RTTN: variants seen among roughly 807,000 people sequenced by gnomAD.
RTTN encodes the protein rotatin.
A neutral mutation model predicts 269.2 loss-of-function variants in RTTN; 182 were observed. That is an observed-to-expected ratio of 0.68 (90% CI 0.60 to 0.76). The LOEUF is 0.76. Ranked by LOEUF, RTTN falls within the 30% of genes least tolerant of loss-of-function variation. RTTN has a pLI of 0.00. For missense variants in RTTN, 2,545 were observed against 2,608.6 expected, an observed-to-expected ratio of 0.98 and a Z score of 0.53; for synonymous variants, 1,006 against 963.5, an observed-to-expected ratio of 1.04 and a Z score of -0.82.
In RTTN at chr18:70,196,515, A is replaced by G; in HGVS notation, c.827T>C (p.Phe276Ser). ...RLNFHRDPGF[F>S]SNKHDTVSQN... ...AAAATAAATACCGTGTTTATTGGAGAAAAAACCTGGATCTCGGTGAAAGTT... is the reference window on the plus strand; with the variant it reads ...AAAATAAATACCGTGTTTATTGGAGGAAAAACCTGGATCTCGGTGAAAGTT... The change falls in exon 7 of 49, where the codon TTC (phenylalanine) becomes TCC (serine). Residue 276 changes from phenylalanine to serine, a missense_variant. Physicochemically the swap from Phe to Ser is radical, Grantham distance 155. Transcript: ENST00000640769. 6.2e-7 allele frequency: 1 copy of G among 1,610,312 alleles called. No homozygotes were observed. The highest frequency in any genetic ancestry group is 8.5e-7 in the Non-Finnish European group (1 of 1,179,088).
At chr18:70,045,141 T>C (rs1354957489) in intron 40 of RTTN, among the ~76,000 whole-genome samples, 1 of 152,230 alleles carries the variant, frequency 6.6e-6, no homozygotes, top group Non-Finnish European at 1.5e-5. Flanking sequence ...AAGATGTAAG[T>C]ATGAATACTT....
At chr18:70,147,290 C>T (rs1326517155) in intron 17 of RTTN, among the ~76,000 whole-genome samples, 1 of 152,026 alleles carries the variant, frequency 6.6e-6, no homozygotes, top group Non-Finnish European at 1.5e-5. Flanking sequence ...TTTTCTAAAC[C>T]TTTTCTATGT....
intron 32 of RTTN, among the ~76,000 whole-genome samples, chr18:70,077,410 T>C (rs2058455833): frequency 6.6e-6 from 1 of 151,898 alleles, no homozygotes; most frequent in Non-Finnish European, 1.5e-5. Context: ...AGATCTTAAA[T>C]CTGCTGATTC....
chr18:70,193,426 G>A lies in RTTN; in HGVS notation c.869C>T (p.Ser290Phe). Residue 290 changes from serine to phenylalanine, a missense_variant, in exon 8 of 49, where the codon TCT (serine) becomes TTT (phenylalanine). Transcript: ENST00000640769. ...HDTVSQNSSL[S>F]YCHEARGTHH... ...AGTACCTCTTGCTTCATGACAATAA[G>A]ACAAAGAAGAATTTTGGGAAACTGT... 2 of 1,538,892 alleles carry A rather than the reference G, an allele frequency of 1.3e-6. 1 individual carries two copies. The highest frequency in any genetic ancestry group is 2.4e-5 in the South Asian group (2 of 81,816).
intron 28 of RTTN, among the ~76,000 whole-genome samples, chr18:70,103,064 G>C (rs1162842333): frequency 6.8e-6 from 1 of 147,980 alleles, no homozygotes; most frequent in Non-Finnish European, 1.5e-5. Flanking sequence ...TGGGAAGTGA[G>C]GAGCGCCTCT....
intron 31 of RTTN, among the ~76,000 whole-genome samples, chr18:70,087,594 G>A (rs1006229887): frequency 2.0e-5 from 3 of 151,842 alleles, no homozygotes; most frequent in African/African-American, 4.8e-5. Flanking sequence ...TTAAAATAGG[G>A]TTTATTTTTC....
intron 33 of RTTN, 118 bp from the exon 34 acceptor site, chr18:70,074,112 G>A (rs2058366784): frequency 8.5e-6 from 5 of 591,118 alleles, no homozygotes; most frequent in Non-Finnish European, 8.8e-6. Context: ...AAACTTATAT[G>A]GATCTGGCTT....
At chr18:70,157,676 T>C (rs2060718130) in intron 14 of RTTN, among the ~76,000 whole-genome samples, 3 of 152,078 alleles carry the variant, frequency 2.0e-5, no homozygotes, top group South Asian at 4.1e-4. Context: ...CGACAAGATA[T>C]AGAAGAAGGC....
chr18:70,170,597 G>A (rs918722011), intron 11 of RTTN, among the ~76,000 whole-genome samples: 5 of 152,222 alleles, frequency 3.3e-5, no homozygotes, highest in Non-Finnish European at 7.3e-5. Flanking sequence ...GAAAGCCAGT[G>A]GAGCTGGTTC....
In RTTN at chr18:70,006,377, T is replaced by G. The variant is rs1226566277; in HGVS notation, c.6525+4A>C. 4 of 1,609,044 alleles carry G rather than the reference T, an allele frequency of 2.5e-6. No homozygotes were observed. Among genetic ancestry groups the G allele is most frequent in the Non-Finnish European group, 3.4e-6 (4 of 1,175,420 alleles). ...CAGGTGTAACAATGATTTTTAAAACTGACCTTCTGATAATTGTAAATCAGA... is the reference window on the plus strand; with the variant it reads ...CAGGTGTAACAATGATTTTTAAAACGGACCTTCTGATAATTGTAAATCAGA... On this transcript the variant is annotated splice_donor_region_variant and intron_variant, in intron 47 of 48. Coordinates refer to ENST00000640769, the MANE Select transcript of RTTN (RefSeq NM_173630.4).
In RTTN at chr18:70,054,140, C is replaced by T. The variant is rs2144836305; in HGVS notation, c.5176G>A (p.Asp1726Asn). Reference sequence around the variant, plus strand: ...AAACAATTAAGCTTACCTAATACATCTTTGGTACATATGGTGAGAATTCCA... The same window carrying T: ...AAACAATTAAGCTTACCTAATACATTTTTGGTACATATGGTGAGAATTCCA... ...IIGILTICTK[D>N]VLDKELISAF... Residue 1726 changes from aspartate (D) to asparagine (N), a missense_variant, in exon 38 of 49, where the codon GAT (aspartate) becomes AAT (asparagine). Physicochemically the swap from Asp to Asn is conservative, Grantham distance 23. Coordinates refer to ENST00000640769, the MANE Select transcript of RTTN (RefSeq NM_173630.4). 1 of 1,612,306 alleles carries T rather than the reference C, an allele frequency of 6.2e-7. No homozygotes were observed. The highest frequency in any genetic ancestry group is 1.1e-5 in the South Asian group (1 of 90,974).
chr18:70,169,142 A>G, intron 11 of RTTN, 75 bp from the exon 12 acceptor site: 1 of 1,101,872 alleles, frequency 9.1e-7, no homozygotes, highest in Non-Finnish European at 1.3e-6. Flanking sequence ...ATAGTGGGCT[A>G]TAGTCTTAAT....
chr18:70,068,550 T>G (rs1452507341), intron 34 of RTTN, among the ~76,000 whole-genome samples: 1 of 152,210 alleles, frequency 6.6e-6, no homozygotes, highest in African/African-American at 2.4e-5. Flanking sequence ...CCGCGGAACT[T>G]CAGCTAGACT....
At position 70,201,997 on chromosome 18, in the gene RTTN, A is replaced by T; in HGVS notation, c.398-14T>A. 1.4e-6 allele frequency: 2 copies of T among 1,457,956 alleles called. No homozygotes were observed. Among genetic ancestry groups the T allele is most frequent in the Non-Finnish European group, 1.9e-6 (2 of 1,039,308 alleles). 90.3% of individuals were successfully genotyped at this position (1,457,956 alleles called of 1,614,324 possible). On this transcript the variant is annotated splice_polypyrimidine_tract_variant and intron_variant, in intron 3 of 48. Coordinates refer to ENST00000640769, the MANE Select transcript of RTTN (RefSeq NM_173630.4). ...TTTTTGACAATTCTGAAAAGGAAAT[A>T]AACATTACTGTATTGTCGATTCCTT...
intron 27 of RTTN, among the ~76,000 whole-genome samples, chr18:70,110,779 C>T (rs1368564710): frequency 6.6e-6 from 1 of 152,234 alleles, no homozygotes; most frequent in African/African-American, 2.4e-5. Flanking sequence ...AGGTCCCACT[C>T]CCACGGAGCC....
At chr18:70,039,064 G>A (rs2057261430) in intron 40 of RTTN, among the ~76,000 whole-genome samples, 1 of 152,030 alleles carries the variant, frequency 6.6e-6, no homozygotes, top group Non-Finnish European at 1.5e-5. Flanking sequence ...TGAGAATAAA[G>A]AAGAATGAAG....
chr18:70,190,614 T>C lies in RTTN; in HGVS notation c.1113A>G (p.Glu371=), dbSNP rs753546133. Residue 371 remains glutamate (E), a synonymous_variant, in exon 9 of 49, where the codon GAA becomes GAG. Coordinates refer to ENST00000640769, the MANE Select transcript of RTTN (RefSeq NM_173630.4). ...GAAGACTGAGCTGCTGGAATTGTAGTTCCAATGTGTCTTCAGTTTCCAGCT... is the reference window on the plus strand; with the variant it reads ...GAAGACTGAGCTGCTGGAATTGTAGCTCCAATGTGTCTTCAGTTTCCAGCT... ...LPELETEDTL[E]LQFQQLSLPQ... 6.2e-7 allele frequency: 1 copy of C among 1,613,774 alleles called. No individual in the cohort carries two copies. The highest frequency in any genetic ancestry group is 1.1e-5 in the South Asian group (1 of 91,056).
chr18:70,089,952 C>G (rs200373709), intron 30 of RTTN, among the ~76,000 whole-genome samples: 1 of 152,092 alleles, frequency 6.6e-6, no homozygotes, highest in East Asian at 1.9e-4. Flanking sequence ...AAATTCTCAG[C>G]CTATCTGTGC....
At chr18:70,072,235 A>T (rs1418513033) in intron 34 of RTTN, among the ~76,000 whole-genome samples, 1 of 152,184 alleles carries the variant, frequency 6.6e-6, no homozygotes, top group Non-Finnish European at 1.5e-5. Flanking sequence ...AAAGAAAGTA[A>T]AAAGTAAATT....
Sources: gnomAD v4.1 joint callset for allele counts (sites outside exome capture counted in the v4.1 genomes callset) on GRCh38, gnomAD v4.1.1 for gene constraint, MANE v1.5 for transcripts, NCBI Gene and HGNC (gene_info 2026-07-23, HGNC 2026-07-21) for gene names.